The following DICER1 variants were observed in gnomAD, a reference collection of about 807,000 sequenced individuals.
The protein encoded by DICER1 is dicer 1, ribonuclease III.
Under a neutral mutation model 194.1 loss-of-function variants are expected in DICER1, and 43 were observed. The ratio of observed to expected loss-of-function variants is 0.22; its 90% CI spans 0.17 to 0.29. The LOEUF is 0.29. Among genes scored for constraint, DICER1 ranks in the 10% least tolerant of loss-of-function variants. The probability of loss-of-function intolerance (pLI) is 1.00; values close to 1 mark genes in which losing one functional copy is unlikely to be tolerated. For missense variants in DICER1, 1,608 were observed against 2,317.0 expected (o/e 0.69, Z 6.28); for synonymous variants, 832 against 820.5 (o/e 1.01, Z -0.24).
chr14:95,156,614 G>T (rs149365339), intron 1 of DICER1, among the ~76,000 whole-genome samples: 26 of 152,354 alleles, frequency 1.7e-4, no homozygotes, highest in East Asian at 1.5e-3. Context: ...CTGAAGAAAG[G>T]GTCCTCCGCA....
intron 21 of DICER1, among the ~76,000 whole-genome samples, chr14:95,101,122 GGACA>G (rs2139921097): frequency 6.6e-6 from 1 of 152,280 alleles, no homozygotes; most frequent in Admixed American, 6.5e-5. Flanking sequence ...GCAAAATTCT[GGACA>G]GGTAGAGATG....
chr14:95,116,066 C>G (rs1020572964), intron 10 of DICER1, among the ~76,000 whole-genome samples: 9 of 147,254 alleles, frequency 6.1e-5, no homozygotes, highest in Non-Finnish European at 8.8e-5. Context: ...CAGACACACA[C>G]ACACACACAC....
At chr14:95,099,978 T>C (rs773249682) in intron 21 of DICER1, 43 bp from the exon 22 acceptor site, 1 of 1,608,356 alleles carries the variant, frequency 6.2e-7, no homozygotes. Context: ...AAATGATCAC[T>C]GCTGGAATTC....
chr14:95,112,306 A>G, intron 12 of DICER1, 59 bp from the exon 13 acceptor site: 2 of 1,332,586 alleles, frequency 1.5e-6, no homozygotes, highest in Non-Finnish European at 2.2e-6. Flanking sequence ...CCTCTAGCAC[A>G]TGAAACACCT....
chr14:95,152,369 G>C (rs953007466), intron 1 of DICER1, among the ~76,000 whole-genome samples: 1 of 152,172 alleles, frequency 6.6e-6, no homozygotes, highest in Non-Finnish European at 1.5e-5. Context: ...TAATATGCAA[G>C]CAATATTCTT....
chr14:95,099,754 ACAC>A, intron 22 of DICER1, 23 bp downstream of exon 22: 2 of 1,600,898 alleles, frequency 1.2e-6, no homozygotes, highest in Non-Finnish European at 1.7e-6. Context: ...ACACACACAC[ACAC>A]ACACACACAC....
intron 7 of DICER1, among the ~76,000 whole-genome samples, chr14:95,126,335 A>G (rs1356607872): frequency 6.6e-6 from 1 of 152,254 alleles, no homozygotes; most frequent in East Asian, 1.9e-4. Flanking sequence ...TTATACTTAA[A>G]TAACCATGAC....
rs778042367 is a variant in DICER1, at chr14:95,100,242, C to T, written c.4051-307G>A. 5.7e-4 allele frequency among the ~76,000 whole-genome samples: 86 copies of T among 152,096 alleles called. 1 individual carries two copies. The highest frequency in any genetic ancestry group is 1.5e-4 in the Non-Finnish European group (10 of 68,006). ...TGAGAAGAAACACTTCAGACAATAT[C>T]AAAGCCTTGAAAATACAACCTGATG... On this transcript the variant is annotated intron_variant, in intron 21 of 26. Transcript: ENST00000343455.
At chr14:95,104,295 G>C (rs1891216554) in intron 20 of DICER1, among the ~76,000 whole-genome samples, 169 bp from the exon 21 acceptor site, 1 of 152,184 alleles carries the variant, frequency 6.6e-6, no homozygotes, top group Non-Finnish European at 1.5e-5. Flanking sequence ...ATTATAAAGT[G>C]GGACATGGTT....
At chr14:95,101,017 G>A (rs1327574757) in intron 21 of DICER1, among the ~76,000 whole-genome samples, 1 of 152,002 alleles carries the variant, frequency 6.6e-6, no homozygotes, top group African/African-American at 2.4e-5. Flanking sequence ...AGAGGATAAA[G>A]TACAACGTGG....
intron 1 of DICER1, among the ~76,000 whole-genome samples, chr14:95,137,711 C>T (rs1227616269): frequency 6.6e-6 from 1 of 152,166 alleles, no homozygotes; most frequent in South Asian, 2.1e-4. Flanking sequence ...AGTCAAGGGT[C>T]TTAGACTCCA....
intron 8 of DICER1, among the ~76,000 whole-genome samples, chr14:95,123,395 A>G (rs539233303): frequency 1.3e-5 from 2 of 152,254 alleles, no homozygotes; most frequent in East Asian, 1.9e-4. Flanking sequence ...AATAAATTCA[A>G]TTGTTCTAAA....
rs531463900 is a variant in DICER1, at chr14:95,125,502, G to C, written c.904-834C>G. Reference sequence around the variant, plus strand: ...AGGGTGTAACTGAGGAATTGAGGGAGAGGGAGAGAGGCAGAGAGGCAGAGA... The same window carrying C: ...AGGGTGTAACTGAGGAATTGAGGGACAGGGAGAGAGGCAGAGAGGCAGAGA... On this transcript the variant is annotated intron_variant, in intron 7 of 26. Transcript: ENST00000343455. 7.4e-5 allele frequency among the ~76,000 whole-genome samples: 10 copies of C among 135,766 alleles called. No individual in the cohort carries two copies. The South Asian group carries it at 2.8e-3, about 38-fold the overall frequency. 89.1% of individuals were successfully genotyped at this position (135,766 alleles called of 152,430 possible). A position where few individuals can be genotyped will look rare whatever the true frequency, so the allele number is the denominator to read the frequency against.
intron 8 of DICER1, among the ~76,000 whole-genome samples, chr14:95,122,945 C>T (rs543426490): frequency 8.9e-5 from 13 of 145,580 alleles, no homozygotes; most frequent in Non-Finnish European, 1.2e-4. Context: ...CGCGCGCGCG[C>T]GCGCACACAC....
At chr14:95,136,927 T>C (rs1233540005) in intron 1 of DICER1, 3 of 152,324 alleles carry the variant, frequency 2.0e-5, no homozygotes, top group African/African-American at 7.2e-5. Flanking sequence ...AGCCAACAAA[T>C]TCCTTAACTA....
intron 8 of DICER1, among the ~76,000 whole-genome samples, chr14:95,121,332 T>G (rs1892923214): frequency 6.6e-6 from 1 of 152,062 alleles, no homozygotes; most frequent in African/African-American, 2.4e-5. Context: ...AAAAATAAAT[T>G]TTTTGAAAAA....
At chr14:95,139,199 T>C (rs117804906) in intron 1 of DICER1, among the ~76,000 whole-genome samples, 1,590 of 152,322 alleles carry the variant, frequency 0.01, 12 homozygotes, top group Non-Finnish European at 0.015. Flanking sequence ...CTACAGAGGC[T>C]TGGGGTATAG....
intron 1 of DICER1, among the ~76,000 whole-genome samples, chr14:95,151,532 C>T (rs1008256705): frequency 2.6e-5 from 4 of 152,072 alleles, no homozygotes; most frequent in East Asian, 1.9e-4. Context: ...AACACCACTA[C>T]GACAGTTTAT....
At position 95,115,676 on chromosome 14, in the gene DICER1, T is replaced by A. The variant is rs763129150; in HGVS notation, c.1898A>T (p.His633Leu). 2.5e-6 allele frequency: 4 copies of A among 1,614,194 alleles called. No homozygotes were observed. In the Admixed American group the frequency reaches 6.7e-5, roughly 27 times the overall value. Residue 633 changes from histidine (H) to leucine (L), a missense_variant, in exon 11 of 27, where the codon CAC becomes CTC. By Grantham distance (99) the His-to-Leu change is moderately conservative. Coordinates refer to ENST00000343455, the MANE Select transcript of DICER1 (RefSeq NM_177438.3). The stretch of plus-strand genomic sequence containing the variant: ...TGATATGATGCCATACCTATTGATG[T>A]GTCCAATGGCCGTGTTGATTGTGAC... ...PRVTINTAIG[H>L]INRYCARLPS...
Sources: allele counts gnomAD v4.1 joint callset (sites outside exome capture counted in the v4.1 genomes callset), GRCh38; gene constraint gnomAD v4.1.1; transcripts MANE v1.5; gene names NCBI Gene and HGNC (gene_info 2026-07-23, HGNC 2026-07-21).